SLC5A4: variants seen among roughly 807,000 people sequenced by gnomAD.
SLC5A4 encodes probable glucose sensor protein SLC5A4.
Under a neutral mutation model 70.3 loss-of-function variants are expected in SLC5A4, and 55 were observed. The observed-to-expected ratio is 0.78, with a 90% CI of 0.63 to 0.98. SLC5A4 has a LOEUF of 0.98. Among genes scored for constraint, SLC5A4 ranks in the 50% least tolerant of loss-of-function variants. SLC5A4 has a pLI of 0.00. For synonymous variants in SLC5A4, 268 were observed against 305.7 expected, an observed-to-expected ratio of 0.88 and a Z score of 1.29; for missense variants, 735 against 839.2, an observed-to-expected ratio of 0.88 and a Z score of 1.53.
At chr22:32,281,825 ACTC>A in the SLC5A4 span, among the ~76,000 whole-genome samples, 1 of 146,760 alleles carries the variant, frequency 6.8e-6, no homozygotes, top group East Asian at 2.1e-4. Context: ...CTTGATCTCT[ACTC>A]CTGCCCTCCG....
At chr22:32,284,330 A>G in the SLC5A4 span, among the ~76,000 whole-genome samples, 1 of 152,232 alleles carries the variant, frequency 6.6e-6, no homozygotes, top group Non-Finnish European at 1.5e-5. Context: ...ATTGCCATAT[A>G]ACAAACCACC....
At chr22:32,335,076 G>A in the SLC5A4 span, among the ~76,000 whole-genome samples, 9 of 152,192 alleles carry the variant, frequency 5.9e-5, no homozygotes, top group Admixed American at 2.6e-4. Context: ...AGATCACAGG[G>A]AGGGTCACAG....
chr22:32,227,149 T>C (rs541672833), intron 11 of SLC5A4, among the ~76,000 whole-genome samples: 67 of 152,354 alleles, frequency 4.4e-4, no homozygotes, highest in African/African-American at 1.6e-3. Context: ...GGCAAGAATT[T>C]TAAAAACGTA....
chr22:32,336,208 G>C, the SLC5A4 span, among the ~76,000 whole-genome samples: 25 of 152,206 alleles, frequency 1.6e-4, no homozygotes, highest in African/African-American at 6.0e-4. Context: ...CTCTCTGTAG[G>C]ATCTCGCGTC....
chr22:32,329,830 G>GA, the SLC5A4 span, among the ~76,000 whole-genome samples: 1 of 37,796 alleles, frequency 2.6e-5, no homozygotes, highest in Non-Finnish European at 4.5e-5. Context: ...TGTGTGTTGG[G>GA]GGCTCTGGTG....
rs1262489961 is a variant in SLC5A4, at chr22:32,254,133, T to C, written c.207+9A>G. The stretch of plus-strand genomic sequence containing the variant: ...GAAATTTATCTCCAGAAAACTTCGA[T>C]CCACTTACCGGCCACCAGGCCATAT... On this transcript the variant is annotated intron_variant, in intron 2 of 14. Transcript: ENST00000266086. 4 of 1,611,508 alleles carry C rather than the reference T, an allele frequency of 2.5e-6. No homozygotes were observed. Among genetic ancestry groups the C allele is most frequent in the African/African-American group, 1.3e-5 (1 of 74,852 alleles).
chr22:32,233,669 A>T (rs767580620), intron 8 of SLC5A4, among the ~76,000 whole-genome samples: 3 of 152,110 alleles, frequency 2.0e-5, no homozygotes, highest in Non-Finnish European at 4.4e-5. Context: ...CAAAATGAAA[A>T]ATTAAAAATT....
Position 32,251,848 on chromosome 22 carries a change from G to C in SLC5A4, c.234C>G (p.Asn78Lys). 1 of 1,613,882 alleles carries C rather than the reference G, an allele frequency of 6.2e-7. No individual in the cohort carries two copies. The highest frequency in any genetic ancestry group is 1.3e-5 in the African/African-American group (1 of 75,048). Residue 78 changes from asparagine to lysine, a missense_variant, in exon 3 of 15, where the codon AAC becomes AAG. Coordinates refer to ENST00000266086, the MANE Select transcript of SLC5A4 (RefSeq NM_014227.3). Reference protein sequence around the residue: ...WPMGASLFASNIGSNHYVGLA... With the variant: ...WPMGASLFASKIGSNHYVGLA... The stretch of plus-strand genomic sequence containing the variant: ...GCCCCACATAGTGGTTGCTGCCGAT[G>C]TTACTGGCAAAGAGAGAGGCGCCCA...
the SLC5A4 span, among the ~76,000 whole-genome samples, chr22:32,347,147 A>G: frequency 6.6e-6 from 1 of 152,248 alleles, no homozygotes; most frequent in Admixed American, 6.5e-5. Flanking sequence ...AATCAAAATC[A>G]CAATGAGATA....
At chr22:32,282,376 C>T in the SLC5A4 span, among the ~76,000 whole-genome samples, 1 of 152,108 alleles carries the variant, frequency 6.6e-6, no homozygotes, top group South Asian at 2.1e-4. Flanking sequence ...TCCTTGCTGG[C>T]CTCTCCTCAC....
At chr22:32,233,332 G>A (rs948814870) in intron 8 of SLC5A4, among the ~76,000 whole-genome samples, 11 of 152,268 alleles carry the variant, frequency 7.2e-5, no homozygotes, top group Non-Finnish European at 1.3e-4. Flanking sequence ...GGATGGAACC[G>A]GAGGTCATTA....
At chr22:32,283,354 C>A in the SLC5A4 span, among the ~76,000 whole-genome samples, 1 of 152,236 alleles carries the variant, frequency 6.6e-6, no homozygotes, top group Non-Finnish European at 1.5e-5. Flanking sequence ...CCCTCTCAAC[C>A]AACTTATTTA....
At chr22:32,329,367 A>G in the SLC5A4 span, among the ~76,000 whole-genome samples, 1 of 152,224 alleles carries the variant, frequency 6.6e-6, no homozygotes, top group Non-Finnish European at 1.5e-5. Context: ...AAAACACTCA[A>G]GAAATGTATG....
At chr22:32,256,968 A>G (rs1927517692), upstream of SLC5A4, among the ~76,000 whole-genome samples, 1 of 152,178 alleles carries the variant, frequency 6.6e-6, no homozygotes, top group South Asian at 2.1e-4. Context: ...TCTGTGTTTA[A>G]CTTTTTGTAG....
the SLC5A4 span, chr22:32,271,492 A>G: frequency 1.4e-6 from 1 of 731,058 alleles, no homozygotes; most frequent in Admixed American, 1.8e-5. Context: ...AAGGTCCTTC[A>G]CAACATCAGC....
chr22:32,284,168 GGAAAACAGAACCAAAAA>G, the SLC5A4 span, among the ~76,000 whole-genome samples: 1 of 152,132 alleles, frequency 6.6e-6, no homozygotes, highest in Non-Finnish European at 1.5e-5. Flanking sequence ...AAGCAAAATA[GGAAAACAGAACCAAAAA>G]GACTGCCAGG....
the SLC5A4 span, among the ~76,000 whole-genome samples, chr22:32,334,057 A>T: frequency 1.3e-5 from 2 of 148,874 alleles, no homozygotes; most frequent in African/African-American, 4.9e-5. Flanking sequence ...CCACAGACTC[A>T]CACAATATAC....
At chr22:32,270,566 TG>T in the SLC5A4 span, 1 of 721,788 alleles carries the variant, frequency 1.4e-6, no homozygotes. Context: ...TTCCCGCAGA[TG>T]GGGCAGGAGA....
the SLC5A4 span, among the ~76,000 whole-genome samples, chr22:32,329,090 C>T: frequency 3.9e-5 from 6 of 152,356 alleles, no homozygotes; most frequent in African/African-American, 9.6e-5. Flanking sequence ...AGTGAGCTGG[C>T]GTCTGGATCA....
Sources: gnomAD v4.1 joint callset for allele counts (sites outside exome capture counted in the v4.1 genomes callset) on GRCh38, gnomAD v4.1.1 for gene constraint, MANE v1.5 for transcripts, NCBI Gene and HGNC (gene_info 2026-07-23, HGNC 2026-07-21) for gene names.